Variants in MTUS2 observed in about 807,000 individuals in gnomAD.
The protein encoded by MTUS2 is microtubule associated scaffold protein 2.
MTUS2 carries 40 observed loss-of-function variants against 114.1 expected under a neutral mutation model. That is an observed-to-expected ratio of 0.35 (90% CI 0.27 to 0.46). The LOEUF (loss-of-function observed/expected upper bound fraction) is 0.46, where lower values mean the gene tolerates loss of function less well. MTUS2 is among the 20% of genes least tolerant of loss of function. The pLI is 1.00. For missense variants in MTUS2, 1,679 were observed against 1,705.4 expected, an observed-to-expected ratio of 0.98 and a Z score of 0.27; for synonymous variants, 688 against 672.0, an observed-to-expected ratio of 1.02 and a Z score of -0.37.
At chr13:29,047,645 CT>C (rs1887692165) in intron 4 of MTUS2, among the ~76,000 whole-genome samples, 1 of 151,902 alleles carries the variant, frequency 6.6e-6, no homozygotes, top group Non-Finnish European at 1.5e-5. Flanking sequence ...TCCTGAGTAG[CT>C]GGAACTACAG....
At chr13:29,237,790 G>A (rs1213104611) in intron 5 of MTUS2, among the ~76,000 whole-genome samples, 1 of 152,076 alleles carries the variant, frequency 6.6e-6, no homozygotes, top group Non-Finnish European at 1.5e-5. Flanking sequence ...CATACAAACG[G>A]CCAACAAGTA....
chr13:29,349,631 G>T (rs544772277), intron 7 of MTUS2, among the ~76,000 whole-genome samples: 1 of 151,578 alleles, frequency 6.6e-6, no homozygotes, highest in Non-Finnish European at 1.5e-5. Context: ...AAATATTTTT[G>T]CTTTGTTCAG....
intron 2 of MTUS2, among the ~76,000 whole-genome samples, chr13:28,903,665 G>C (rs1391612068): frequency 2.6e-5 from 4 of 151,790 alleles, no homozygotes; most frequent in Non-Finnish European, 4.4e-5. Flanking sequence ...GTCTATCATT[G>C]TTGGACATTT....
At chr13:29,041,415 A>T (rs4769666) in intron 4 of MTUS2, among the ~76,000 whole-genome samples, 73,692 of 151,868 alleles carry the variant, frequency 0.49, 18,179 homozygotes, top group African/African-American at 0.54. Context: ...GCTTAGCCTT[A>T]CTTTGGGTAT....
At chr13:29,324,799 AC>A in intron 7 of MTUS2, 88 bp downstream of exon 7, 2 of 979,312 alleles carry the variant, frequency 2.0e-6, no homozygotes, top group Non-Finnish European at 3.1e-6. Context: ...AGCAATGCCA[AC>A]CCATGTGATT....
intron 8 of MTUS2, among the ~76,000 whole-genome samples, chr13:29,381,211 T>C (rs1872180978): frequency 6.6e-6 from 1 of 152,172 alleles, no homozygotes; most frequent in Non-Finnish European, 1.5e-5. Context: ...GAGGAAGCTC[T>C]GTGCCAGGAA....
intron 7 of MTUS2, among the ~76,000 whole-genome samples, chr13:29,325,563 AAG>A (rs1900471336): frequency 4.6e-5 from 1 of 21,870 alleles, no homozygotes; most frequent in South Asian, 3.2e-3. Flanking sequence ...GAAGAGGAAG[AAG>A]AAGAAGAGGA....
rs911268641 is a variant in MTUS2 at position 28,948,571 on chromosome 13, A to AT, written c.-242-75881dup. 3.0e-4 allele frequency among the ~76,000 whole-genome samples: 45 copies of AT among 152,236 alleles called. 1 individual carries two copies. Among genetic ancestry groups the AT allele is most frequent in the African/African-American group, 1.0e-3 (42 of 41,544 alleles). On this transcript the variant is annotated intron_variant, in intron 2 of 15. Transcript: ENST00000612955. ...AAAATTAGTCTTCTTGATTTCTAAG[A>AT]TTTTTCCCCCTTATTCCAATATAGG...
intron 8 of MTUS2, among the ~76,000 whole-genome samples, chr13:29,404,817 A>G (rs530662640): frequency 6.6e-6 from 1 of 152,348 alleles, no homozygotes; most frequent in East Asian, 1.9e-4. Context: ...GCCAGAAAGA[A>G]GATAGGCTCT....
chr13:29,480,872 T>C lies in MTUS2; in HGVS notation c.3399+508T>C, dbSNP rs1241437650. Among the ~76,000 whole-genome samples, 1 of 152,200 alleles carries C rather than the reference T, an allele frequency of 6.6e-6. No homozygotes were observed. Among genetic ancestry groups the C allele is most frequent in the Admixed American group, 6.5e-5 (1 of 15,282 alleles). ...GCACTCGTCCTACACCAGACACTGC[T>C]CTAAGCTCTTTACAGGAACTGACTC... On this transcript the variant is annotated intron_variant, in intron 10 of 15. Coordinates refer to ENST00000612955, the MANE Select transcript of MTUS2 (RefSeq NM_001033602.4). This position sits in a 1 kb window ranked among gnomAD's most constrained non-coding sequence, Gnocchi z 4.4.
intron 2 of MTUS2, among the ~76,000 whole-genome samples, chr13:28,911,845 G>GTTTTTTTTTTTTTTTTTTTTATTTT (rs202187530): frequency 9.6e-6 from 1 of 103,828 alleles, no homozygotes; most frequent in African/African-American, 3.8e-5. Context: ...ACTTTTTAAT[G>GTTTTTTTTTTTTTTTTTTTTATTTT]TTTTTTTTTT....
rs1018386675 is a variant in MTUS2 at position 29,498,889 on chromosome 13, G to A, written c.3798+352G>A. Among the ~76,000 whole-genome samples, 59 of 152,282 alleles carry A rather than the reference G, an allele frequency of 3.9e-4. 1 individual carries two copies. Among genetic ancestry groups the A allele is most frequent in the Non-Finnish European group, 4.0e-4 (27 of 68,030 alleles). ...AGACACTGCACGGAGCACTTTCCCC[G>A]AGCCTGCGCCTAACTCCTACGGCTG... On this transcript the variant is annotated intron_variant, in intron 14 of 15. Coordinates refer to ENST00000612955, the MANE Select transcript of MTUS2 (RefSeq NM_001033602.4).
At chr13:29,281,417 G>GTA (rs1158214036) in intron 5 of MTUS2, among the ~76,000 whole-genome samples, 3 of 135,166 alleles carry the variant, frequency 2.2e-5, no homozygotes, top group Admixed American at 7.2e-5. Flanking sequence ...ATGTATGTAT[G>GTA]TCTGTGTGTG....
intron 5 of MTUS2, among the ~76,000 whole-genome samples, chr13:29,141,003 C>T (rs1376266315): frequency 6.6e-6 from 1 of 152,172 alleles, no homozygotes; most frequent in Non-Finnish European, 1.5e-5. Context: ...ACCCCTTCCA[C>T]CATCAGAGAC....
rs1328937496 is a variant in MTUS2 at position 29,439,973 on chromosome 13, GT to G, written c.3118-4del. On this transcript the variant is annotated splice_polypyrimidine_tract_variant and intron_variant, in intron 8 of 15. Coordinates refer to ENST00000612955, the MANE Select transcript of MTUS2 (RefSeq NM_001033602.4). ...TAGGGGACTCTCGGTATCCGTTTTT[GT>G]TTTTTCAGAATGAAAGTGCCCTTGT... is the stretch of plus-strand genomic sequence containing the variant. 1.3e-6 allele frequency: 2 copies of G among 1,574,292 alleles called. No individual in the cohort carries two copies. Among genetic ancestry groups the G allele is most frequent in the Non-Finnish European group, 8.6e-7 (1 of 1,157,628 alleles).
chr13:29,365,311 G>T (rs1870608898), intron 8 of MTUS2, among the ~76,000 whole-genome samples: 2 of 152,286 alleles, frequency 1.3e-5, no homozygotes, highest in South Asian at 4.1e-4. Context: ...ATGAAACTCA[G>T]AATAGCGAAG....
At chr13:29,444,050 T>C (rs963500804) in intron 9 of MTUS2, among the ~76,000 whole-genome samples, 1 of 152,234 alleles carries the variant, frequency 6.6e-6, no homozygotes, top group Non-Finnish European at 1.5e-5. Flanking sequence ...ATTAAACTGC[T>C]GCCCTAAATT....
At chr13:29,010,107 AG>A (rs1342224292) in intron 2 of MTUS2, among the ~76,000 whole-genome samples, 2 of 151,030 alleles carry the variant, frequency 1.3e-5, no homozygotes, top group Admixed American at 1.3e-4. Context: ...GCTACTCAGG[AG>A]GCTGAGGCAG....
intron 5 of MTUS2, among the ~76,000 whole-genome samples, chr13:29,142,212 T>G (rs1179389893): frequency 6.6e-6 from 1 of 152,180 alleles, no homozygotes; most frequent in East Asian, 1.9e-4. Flanking sequence ...CATACACCGA[T>G]AAATTGGGGG....
Sources: allele counts gnomAD v4.1 joint callset (sites outside exome capture counted in the v4.1 genomes callset), GRCh38; gene constraint gnomAD v4.1.1; non-coding constraint Gnocchi (gnomAD v3.1); transcripts MANE v1.5; gene names NCBI Gene and HGNC (gene_info 2026-07-23, HGNC 2026-07-21).